KDM5B: variants seen among roughly 807,000 people sequenced by gnomAD.
KDM5B encodes lysine demethylase 5B.
KDM5B carries 144 observed loss-of-function variants against 193.4 expected under a neutral mutation model. That is an observed-to-expected ratio of 0.74 (90% CI 0.65 to 0.86). The LOEUF is 0.86. Among genes scored for constraint, KDM5B ranks in the 40% least tolerant of loss-of-function variants. KDM5B has a pLI of 0.00. For synonymous variants in KDM5B, 668 were observed against 682.6 expected, an observed-to-expected ratio of 0.98 and a Z score of 0.33; for missense variants, 1,833 against 1,886.9, an observed-to-expected ratio of 0.97 and a Z score of 0.53.
intron 7 of KDM5B, among the ~76,000 whole-genome samples, 195 bp from the exon 8 acceptor site, chr1:202,760,768 T>C (rs1034003068): frequency 5.3e-5 from 8 of 152,254 alleles, no homozygotes; most frequent in Non-Finnish European, 1.0e-4. Flanking sequence ...ACCTCATGCA[T>C]ACCAAATCTA....
intron 1 of KDM5B, among the ~76,000 whole-genome samples, chr1:202,799,903 G>A (rs1181901376): frequency 1.3e-5 from 2 of 152,190 alleles, no homozygotes; most frequent in Non-Finnish European, 2.9e-5. Context: ...GCAGGGAGAA[G>A]TCTTTAGATT....
At chr1:202,765,077 A>C (rs887642267) in intron 5 of KDM5B, among the ~76,000 whole-genome samples, 5 of 152,232 alleles carry the variant, frequency 3.3e-5, no homozygotes, top group Non-Finnish European at 1.5e-5. Flanking sequence ...TGCTTTATTC[A>C]ATCATCGCAA....
chr1:202,731,994 C>CA lies in KDM5B; in HGVS notation c.3910-56dup, dbSNP rs888577723. The CA allele has an allele frequency of 5.3e-5, 57 of 1,077,368 alleles. No homozygotes were observed. In the Admixed American group the frequency reaches 1.2e-3, roughly 24 times the overall value. The allele number at this position is 1,077,368 out of a possible 1,614,324, so 66.7% of individuals were successfully genotyped here. On this transcript the variant is annotated intron_variant, in intron 23 of 26. Transcript: ENST00000367265. ...ATCTCTTCAGGATTAAAAATACTCC[C>CA]ATTAGTCCAATGACAGTAGCTTGCA...
intron 4 of KDM5B, among the ~76,000 whole-genome samples, chr1:202,772,495 TATG>T (rs1434914178): frequency 1.3e-5 from 2 of 152,150 alleles, no homozygotes; most frequent in Admixed American, 1.3e-4. Flanking sequence ...TATACCTTCA[TATG>T]ACAGCCAGGA....
Position 202,742,506 on chromosome 1 carries a change from C to T in KDM5B, c.2475-1G>A. 6.2e-7 allele frequency: 1 copy of T among 1,613,506 alleles called. No individual in the cohort carries two copies. The highest frequency in any genetic ancestry group is 8.5e-7 in the Non-Finnish European group (1 of 1,179,648). ...GGATTTCCCTCCACCAGATCGATAT[C>T]TGTAAAGACAAAGGCCCAAGGAAGC... is the stretch of plus-strand genomic sequence containing the variant. On this transcript the variant is annotated splice_acceptor_variant, in intron 17 of 26. Coordinates refer to ENST00000367265, the MANE Select transcript of KDM5B (RefSeq NM_006618.5). LOFTEE classifies it high-confidence loss of function.
chr1:202,731,781 G>C (rs1219990871), intron 24 of KDM5B, 47 bp downstream of exon 24: 1 of 1,282,538 alleles, frequency 7.8e-7, no homozygotes, highest in Middle Eastern at 1.8e-4. Context: ...AGTAATACAA[G>C]ATCACTCATT....
At chr1:202,798,487 G>GTTTGCCT (rs1657943072) in intron 1 of KDM5B, among the ~76,000 whole-genome samples, 2 of 151,680 alleles carry the variant, frequency 1.3e-5, no homozygotes. Context: ...GCGGGGTGCG[G>GTTTGCCT]TTTGCCTTTT....
intron 8 of KDM5B, 77 bp from the exon 9 acceptor site, chr1:202,758,587 T>G: frequency 7.9e-7 from 1 of 1,259,694 alleles, no homozygotes; most frequent in African/African-American, 1.5e-5. Context: ...AGCTGGCAGA[T>G]AAAAAACAAG....
At chr1:202,771,242 G>C (rs1656701498) in intron 4 of KDM5B, among the ~76,000 whole-genome samples, 1 of 151,986 alleles carries the variant, frequency 6.6e-6, no homozygotes, top group Non-Finnish European at 1.5e-5. Flanking sequence ...TATTTTTTGA[G>C]ACAGTCTCAT....
At chr1:202,769,288 A>C (rs1044545607) in intron 4 of KDM5B, among the ~76,000 whole-genome samples, 1 of 150,788 alleles carries the variant, frequency 6.6e-6, no homozygotes, top group African/African-American at 2.4e-5. Flanking sequence ...CACCTGCCTC[A>C]GCCTCCCAAA....
intron 6 of KDM5B, 152 bp downstream of exon 6, chr1:202,763,897 T>G: frequency 1.8e-6 from 1 of 551,398 alleles, no homozygotes; most frequent in Non-Finnish European, 3.1e-6. Context: ...TAAGATTTTC[T>G]CAAAGCCCAA....
chr1:202,793,999 C>A (rs566807689), intron 1 of KDM5B, among the ~76,000 whole-genome samples: 2 of 152,298 alleles, frequency 1.3e-5, no homozygotes, highest in Non-Finnish European at 1.5e-5. Context: ...CAAAATACAT[C>A]ATATTGGATG....
Position 202,780,696 on chromosome 1 carries a change from T to C in KDM5B, c.205-3602A>G, listed in dbSNP as rs1657160945. 2.7e-5 allele frequency among the ~76,000 whole-genome samples: 4 copies of C among 149,590 alleles called. No homozygotes were observed. In the South Asian group the frequency reaches 8.4e-4, roughly 31 times the overall value. On this transcript the variant is annotated intron_variant, in intron 1 of 26. Coordinates refer to ENST00000367265, the MANE Select transcript of KDM5B (RefSeq NM_006618.5). The stretch of plus-strand genomic sequence containing the variant: ...ATAAAAAATATCTAGATATTCTAAA[T>C]ATGGAAAGATACCCAAGCATCAATG...
chr1:202,748,727 C>A (rs1049890488), intron 14 of KDM5B, among the ~76,000 whole-genome samples: 2 of 151,722 alleles, frequency 1.3e-5, no homozygotes, highest in East Asian at 1.9e-4. Context: ...TTTAAAGGGG[C>A]AAGACATTTG....
At position 202,808,319 on chromosome 1, in the gene KDM5B, G is replaced by A. The variant is rs1328156747; in HGVS notation, c.-14C>T. The A allele has an allele frequency of 4.5e-6, 7 of 1,570,186 alleles. No homozygotes were observed. The highest frequency in any genetic ancestry group is 4.5e-4 in the Middle Eastern group (2 of 4,442). On this transcript the variant is annotated 5_prime_UTR_variant, in exon 1 of 27. Coordinates refer to ENST00000367265, the MANE Select transcript of KDM5B (RefSeq NM_006618.5). ...GGCCGCCTCCATCACCGCAGGCTGG[G>A]CAAGGGCGAGGCGAAGGTGGGCTCC...
At position 202,794,984 on chromosome 1, in the gene KDM5B, G is replaced by A. The variant is rs556624584; in HGVS notation, c.204+13118C>T. 4.2e-4 allele frequency among the ~76,000 whole-genome samples: 64 copies of A among 152,008 alleles called. 2 individuals are homozygous for A. In the South Asian group the frequency reaches 0.012, roughly 28 times the overall value. On this transcript the variant is annotated intron_variant, in intron 1 of 26. Transcript: ENST00000367265. Reference sequence around the variant, plus strand: ...TCCCAGAACTTTGGAAGGCTGAGGCGGGCAGATCACTTGAGGTCAGGAGTT... The same window carrying A: ...TCCCAGAACTTTGGAAGGCTGAGGCAGGCAGATCACTTGAGGTCAGGAGTT...
chr1:202,756,520 G>A lies in KDM5B; in HGVS notation c.1198-4C>T. Reference sequence around the variant, plus strand: ...CAACAAGCTCTGTGGGGACCATCTGGAAATACAAGGAATAGAAAAAATGAG... The same window carrying A: ...CAACAAGCTCTGTGGGGACCATCTGAAAATACAAGGAATAGAAAAAATGAG... On this transcript the variant is annotated splice_polypyrimidine_tract_variant and splice_region_variant and intron_variant, in intron 9 of 26. Transcript: ENST00000367265. 6.4e-7 allele frequency: 1 copy of A among 1,568,062 alleles called. No individual in the cohort carries two copies.
chr1:202,762,978 TATG>T (rs2102276646), intron 6 of KDM5B, among the ~76,000 whole-genome samples, 170 bp from the exon 7 acceptor site: 1 of 152,344 alleles, frequency 6.6e-6, no homozygotes, highest in East Asian at 1.9e-4. Context: ...CTGATTACTT[TATG>T]ATAAAATGCA....
intron 1 of KDM5B, among the ~76,000 whole-genome samples, chr1:202,777,328 A>G (rs1656997055): frequency 7.4e-6 from 1 of 135,784 alleles, no homozygotes; most frequent in Admixed American, 8.1e-5. Flanking sequence ...AAACCTTCCC[A>G]CTGAGCAATG....
Sources: allele counts gnomAD v4.1 joint callset (sites outside exome capture counted in the v4.1 genomes callset), GRCh38; gene constraint gnomAD v4.1.1; transcripts MANE v1.5; gene names NCBI Gene and HGNC (gene_info 2026-07-23, HGNC 2026-07-21).